The following SETD2 variants were observed in gnomAD, a reference collection of about 807,000 sequenced individuals.
SETD2 encodes histone-lysine N-methyltransferase SETD2.
In SETD2, 31 loss-of-function variants were observed where a neutral mutation model predicts 242.1. The ratio of observed to expected loss-of-function variants is 0.13; its 90% CI spans 0.10 to 0.17. The LOEUF (loss-of-function observed/expected upper bound fraction) is 0.17, where lower values mean the gene tolerates loss of function less well. SETD2 is among the 10% of genes least tolerant of loss of function. The pLI, the probability that SETD2 is intolerant of heterozygous loss-of-function variation, is 1.00. For synonymous variants in SETD2, 1,006 were observed against 1,066.5 expected (o/e 0.94, Z 1.11); for missense variants, 2,481 against 3,046.3 (o/e 0.81, Z 4.37).
In SETD2 at chr3:47,057,380, T is replaced by C. The variant is rs2107577447; in HGVS notation, c.6404A>G (p.Gln2135Arg). Residue 2135 changes from glutamine (Q) to arginine (R), a missense_variant, in exon 15 of 21, where the codon CAG (glutamine) becomes CGG (arginine). Around this residue, in one of 17 missense-constraint regions of SETD2, gnomAD observed 45 missense variants for 62.8 expected, o/e 0.72. Coordinates refer to ENST00000409792, the MANE Select transcript of SETD2 (RefSeq NM_014159.7). The stretch of plus-strand genomic sequence containing the variant: ...GTTCTGCATCTGTTGCTGTTGTTTC[T>C]GAGCCTCCCGTTGAGCCACCTCTTG... ...FEQEVAQREA[Q>R]KQQQQMQNLG... is the part of the protein sequence containing the mutation. 6.2e-7 allele frequency: 1 copy of C among 1,614,252 alleles called. No homozygotes were observed. Among genetic ancestry groups the C allele is most frequent in the East Asian group, 2.2e-5 (1 of 44,890 alleles).
intron 1 of SETD2, among the ~76,000 whole-genome samples, chr3:47,152,779 G>A (rs941333657): frequency 1.3e-5 from 2 of 152,160 alleles, no homozygotes; most frequent in Admixed American, 6.6e-5. Flanking sequence ...CTTGCTCTAG[G>A]TTCTTGCAAG....
At chr3:47,025,110 T>C (rs968684189) in intron 18 of SETD2, among the ~76,000 whole-genome samples, 2 of 152,194 alleles carry the variant, frequency 1.3e-5, no homozygotes, top group Non-Finnish European at 1.5e-5. Flanking sequence ...AAACCCAGAT[T>C]TGCCTGCCTA....
In SETD2 at chr3:47,124,301, G is replaced by A. The variant is rs187767340; in HGVS notation, c.335C>T (p.Ser112Leu). 3.9e-5 allele frequency: 61 copies of A among 1,551,744 alleles called. No homozygotes were observed. The African/African-American group carries it at 7.2e-4, about 18-fold the overall frequency. The change falls in exon 3 of 21, where the codon TCG (serine) becomes TTG (leucine). Residue 112 changes from serine (S) to leucine (L), a missense_variant. Transcript: ENST00000409792. ...NPPAVPLQVD[S>L]TPKMKMEIGD... ...AATTTCCATTTTCATTTTAGGAGTC[G>A]AGTCTACCTGAAGAGGTACAGCTGG...
chr3:47,048,118 G>A (rs890071384), intron 15 of SETD2, among the ~76,000 whole-genome samples: 3 of 152,174 alleles, frequency 2.0e-5, no homozygotes, highest in African/African-American at 7.2e-5. Flanking sequence ...GCCGGGGCAC[G>A]GTGGCTCACA....
intron 12 of SETD2, among the ~76,000 whole-genome samples, chr3:47,078,414 GAACTTTATAAAAA>G (rs2041183863): frequency 6.7e-6 from 1 of 150,084 alleles, no homozygotes; most frequent in Non-Finnish European, 1.5e-5. Context: ...TTTAAAATGT[GAACTTTATAAAAA>G]ATAAAGGCAG....
chr3:47,151,690 G>C (rs965332090), intron 1 of SETD2, among the ~76,000 whole-genome samples: 1 of 152,000 alleles, frequency 6.6e-6, no homozygotes, highest in Non-Finnish European at 1.5e-5. Flanking sequence ...AGCCGGGCGT[G>C]GTGGTACGCG....
At chr3:47,022,192 G>GTC (rs1401865360) in intron 18 of SETD2, among the ~76,000 whole-genome samples, 3 of 59,638 alleles carry the variant, frequency 5.0e-5, no homozygotes, top group Non-Finnish European at 7.4e-5. Flanking sequence ...GCAACAATCT[G>GTC]TCACACACAC....
chr3:47,120,293 G>C lies in SETD2; in HGVS notation c.4343C>G (p.Ser1448Cys), dbSNP rs1192116385. 1.2e-6 allele frequency: 2 copies of C among 1,613,704 alleles called. No homozygotes were observed. Among genetic ancestry groups the C allele is most frequent in the Non-Finnish European group, 1.7e-6 (2 of 1,179,882 alleles). The change falls in exon 3 of 21, where the codon TCC becomes TGC. Residue 1448 changes from serine (S) to cysteine (C), a missense_variant. Physicochemically the swap from Ser to Cys is moderately radical, Grantham distance 112. Around this residue, in one of 17 missense-constraint regions of SETD2, gnomAD observed 1,300 missense variants for 1,259.2 expected, o/e 1.03. Coordinates refer to ENST00000409792, the MANE Select transcript of SETD2 (RefSeq NM_014159.7). ...VPPGSALVGPSCVMDDFRDPQ... is the reference protein window; with the variant it reads ...VPPGSALVGPCCVMDDFRDPQ... ...GTCCCTGAAGTCATCCATGACACAG[G>C]AGGGCCCAACCAGTGCTGAACCTGG... is the stretch of plus-strand genomic sequence containing the variant.
At chr3:47,097,670 T>C (rs1235548485) in intron 9 of SETD2, among the ~76,000 whole-genome samples, 1 of 152,184 alleles carries the variant, frequency 6.6e-6, no homozygotes, top group Non-Finnish European at 1.5e-5. Flanking sequence ...CATAGTGAGC[T>C]ATCAGGGAGA....
intron 9 of SETD2, among the ~76,000 whole-genome samples, chr3:47,097,516 C>A (rs570797315): frequency 1.3e-5 from 2 of 152,322 alleles, no homozygotes; most frequent in African/African-American, 2.4e-5. Context: ...TCTGTGACTA[C>A]TCCTGTTGGT....
chr3:47,126,988 A>G (rs1308263164), intron 1 of SETD2, among the ~76,000 whole-genome samples: 4 of 152,254 alleles, frequency 2.6e-5, no homozygotes, highest in East Asian at 1.9e-4. Flanking sequence ...AGTAAATATA[A>G]GAATAGAAAT....
At chr3:47,116,816 A>T (rs2107729539) in intron 3 of SETD2, 62 bp from the exon 4 acceptor site, 1 of 1,161,366 alleles carries the variant, frequency 8.6e-7, no homozygotes, top group South Asian at 1.4e-5. Flanking sequence ...TATAACATAT[A>T]TAATCAAATA....
At position 47,147,323 on chromosome 3, in the gene SETD2, AT is replaced by A. The variant is rs538113130; in HGVS notation, c.71+16530del. 1.6e-3 allele frequency among the ~76,000 whole-genome samples: 206 copies of A among 126,140 alleles called. 1 individual carries two copies. Among genetic ancestry groups the A allele is most frequent in the African/African-American group, 3.2e-3 (106 of 33,386 alleles). 82.8% of individuals were successfully genotyped at this position (126,140 alleles called of 152,430 possible). A position where few individuals can be genotyped will look rare whatever the true frequency, so the allele number is the denominator to read the frequency against. On this transcript the variant is annotated intron_variant, in intron 1 of 20. Coordinates refer to ENST00000409792, the MANE Select transcript of SETD2 (RefSeq NM_014159.7). ...CCACCAAGCCTAGCCACTGCATGTC[AT>A]TTTTTTTTTTTTTTTTGAGACATAG...
At chr3:47,114,822 TG>T (rs1463820123) in intron 4 of SETD2, among the ~76,000 whole-genome samples, 1 of 140,004 alleles carries the variant, frequency 7.1e-6, no homozygotes, top group Non-Finnish European at 1.5e-5. Context: ...GAGGTTGTAG[TG>T]AGTCAAGATT....
chr3:47,050,699 T>C (rs1383972305), intron 15 of SETD2, among the ~76,000 whole-genome samples: 2 of 146,040 alleles, frequency 1.4e-5, no homozygotes, highest in African/African-American at 5.1e-5. Context: ...TAAGGGATAC[T>C]CAACCTGTAT....
In SETD2 at chr3:47,122,778, G is replaced by C. The variant is rs148810823; in HGVS notation, c.1858C>G (p.Arg620Gly). 1.4e-5 allele frequency: 23 copies of C among 1,610,436 alleles called. No homozygotes were observed. The highest frequency in any genetic ancestry group is 2.0e-5 in the Non-Finnish European group (23 of 1,179,110). The change falls in exon 3 of 21, where the codon CGA (arginine) becomes GGA (glycine). Residue 620 changes from arginine to glycine, a missense_variant. Arg to Gly is a moderately radical substitution (Grantham distance 125). This residue lies in a region of SETD2 where 1,300 missense variants were observed against 1,259.2 expected (regional missense o/e 1.03). Coordinates refer to ENST00000409792, the MANE Select transcript of SETD2 (RefSeq NM_014159.7). ...TTTAAAGTAGGTGAATCATTTAATC[G>C]ATTTGATGGAGCTGGAGACCCAGCC... ...EKAGSPAPSN[R>G]LNDSPTLKKL...
intron 18 of SETD2, 58 bp downstream of exon 18, chr3:47,037,608 G>A (rs2039071700): frequency 2.4e-6 from 3 of 1,276,368 alleles, no homozygotes; most frequent in Non-Finnish European, 3.4e-6. Context: ...AGACCATGCG[G>A]GATGGTCTTG....
Position 47,017,383 on chromosome 3 carries a change from G to T in SETD2, c.7534-129C>A. ...CTCACCAAGACAGGAAGTTAATAAG[G>T]GGGTAGATGTTGGGGCAGGCTGGTG... On this transcript the variant is annotated intron_variant, in intron 20 of 20. Coordinates refer to ENST00000409792, the MANE Select transcript of SETD2 (RefSeq NM_014159.7). This position sits in a 1 kb window ranked among gnomAD's most constrained non-coding sequence, Gnocchi z 4.8. The T allele has an allele frequency of 2.0e-6, 2 of 1,000,634 alleles. No individual in the cohort carries two copies. Among genetic ancestry groups the T allele is most frequent in the South Asian group, 1.6e-5 (1 of 61,844 alleles). 62.0% of individuals were successfully genotyped at this position (1,000,634 alleles called of 1,614,324 possible).
At position 47,123,179 on chromosome 3, in the gene SETD2, G is replaced by C. The variant is rs1559748168; in HGVS notation, c.1457C>G (p.Ser486Ter). Reference protein sequence around the residue: ...HSSSYRDLRTSSYSKSDRDCK... With the variant: ...HSSSYRDLRT Reference sequence around the variant, plus strand: ...GTCCCGATCAGATTTAGAATAGGATGATGTCCTTAGGTCTCTGTAAGAAGA... The same window carrying C: ...GTCCCGATCAGATTTAGAATAGGATCATGTCCTTAGGTCTCTGTAAGAAGA... The change falls in exon 3 of 21, where the codon TCA becomes TGA. Residue 486 changes from serine (S) to a stop codon, truncating the protein, a stop_gained. Coordinates refer to ENST00000409792, the MANE Select transcript of SETD2 (RefSeq NM_014159.7). LOFTEE classifies it high-confidence loss of function. 6.2e-7 allele frequency: 1 copy of C among 1,602,694 alleles called. No individual in the cohort carries two copies. Among genetic ancestry groups the C allele is most frequent in the Non-Finnish European group, 8.5e-7 (1 of 1,173,268 alleles).
Sources: allele counts gnomAD v4.1 joint callset (sites outside exome capture counted in the v4.1 genomes callset), GRCh38; gene constraint gnomAD v4.1.1; regional missense constraint gnomAD v4.1.1; non-coding constraint Gnocchi (gnomAD v3.1); transcripts MANE v1.5; gene names NCBI Gene and HGNC (gene_info 2026-07-23, HGNC 2026-07-21).